Variants in ESYT2 observed in about 807,000 individuals in gnomAD.
The protein encoded by ESYT2 is extended synaptotagmin-2.
Under a neutral mutation model 107.2 loss-of-function variants are expected in ESYT2, and 54 were observed. The observed-to-expected ratio is 0.50, with a 90% CI of 0.40 to 0.63. ESYT2 has a LOEUF of 0.63. Among genes scored for constraint, ESYT2 ranks in the 30% least tolerant of loss-of-function variants. The probability of loss-of-function intolerance (pLI) is 0.00; values close to 1 mark genes in which losing one functional copy is unlikely to be tolerated. For missense variants in ESYT2, 1,020 were observed against 1,094.5 expected, an observed-to-expected ratio of 0.93 and a Z score of 0.96; for synonymous variants, 491 against 434.1, an observed-to-expected ratio of 1.13 and a Z score of -1.63.
intron 13 of ESYT2, among the ~76,000 whole-genome samples, chr7:158,758,999 A>G (rs28543982): frequency 0.018 from 2,738 of 152,270 alleles, 85 homozygotes; most frequent in African/African-American, 0.061. Flanking sequence ...TTCTGCGAGA[A>G]ACATCCCAGG....
intron 6 of ESYT2, among the ~76,000 whole-genome samples, chr7:158,780,664 G>A (rs1452834692): frequency 6.6e-6 from 1 of 152,230 alleles, no homozygotes; most frequent in Non-Finnish European, 1.5e-5. Context: ...TTGTTGAAAA[G>A]ACTGAGATAC....
chr7:158,784,300 C>T (rs944671820), intron 6 of ESYT2, among the ~76,000 whole-genome samples: 5 of 152,238 alleles, frequency 3.3e-5, no homozygotes, highest in African/African-American at 4.8e-5. Context: ...CTCTGGAATT[C>T]ACTGCAGCCT....
chr7:158,825,474 A>T (rs1840413845), intron 1 of ESYT2, among the ~76,000 whole-genome samples: 1 of 152,248 alleles, frequency 6.6e-6, no homozygotes, highest in African/African-American at 2.4e-5. Flanking sequence ...TGTTCATGGG[A>T]AAAGAAGTGA....
chr7:158,756,761 T>C (rs1296795979), intron 13 of ESYT2, among the ~76,000 whole-genome samples: 1 of 151,606 alleles, frequency 6.6e-6, no homozygotes, highest in East Asian at 1.9e-4. Context: ...ATACAAAAAT[T>C]AGCCAGGCGT....
chr7:158,806,110 G>GCCGGGGCACACCGCGTGGGAGGCGC (rs1839821704), intron 1 of ESYT2, among the ~76,000 whole-genome samples: 1 of 150,930 alleles, frequency 6.6e-6, no homozygotes, highest in Non-Finnish European at 1.5e-5. Flanking sequence ...CGTGGGAGGC[G>GCCGGGGCACACCGCGTGGGAGGCGC]CCGGGGCACA....
chr7:158,734,652 G>A (rs1364754401), intron 21 of ESYT2, among the ~76,000 whole-genome samples, 181 bp from the exon 22 acceptor site: 3 of 152,218 alleles, frequency 2.0e-5, no homozygotes, highest in African/African-American at 4.8e-5. Context: ...TTATCTGGGC[G>A]TGCTGACACG....
intron 11 of ESYT2, among the ~76,000 whole-genome samples, chr7:158,761,118 A>G (rs1837944687): frequency 1.3e-5 from 2 of 152,112 alleles, no homozygotes; most frequent in African/African-American, 2.4e-5. Context: ...CACTGGCCGC[A>G]CTGTGCCTTC....
chr7:158,738,991 C>A (rs772787760), intron 19 of ESYT2, 32 bp downstream of exon 19: 1 of 1,600,954 alleles, frequency 6.2e-7, no homozygotes, highest in Non-Finnish European at 8.6e-7. Context: ...CTCAGCAGCA[C>A]AGCAGCGGGC....
At chr7:158,786,098 C>T in intron 6 of ESYT2, among the ~76,000 whole-genome samples, 1 of 152,104 alleles carries the variant, frequency 6.6e-6, no homozygotes, top group East Asian at 1.9e-4. Flanking sequence ...AAATGAGTGA[C>T]TCTGAACTTC....
chr7:158,828,242 A>G (rs1326588454), intron 1 of ESYT2, among the ~76,000 whole-genome samples: 1 of 152,232 alleles, frequency 6.6e-6, no homozygotes, highest in African/African-American at 2.4e-5. Context: ...GGTAGAAGAA[A>G]AAGTTAACTT....
chr7:158,741,473 G>C lies in ESYT2; in HGVS notation c.2168+50C>G, dbSNP rs537117966. On this transcript the variant is annotated intron_variant, in intron 18 of 22. Coordinates refer to ENST00000275418, the MANE Select transcript of ESYT2 (RefSeq NM_001367773.1). ...AAACGACTCTCCCCCAGCGTGGGGT[G>C]GGGGGCGCTTGCTCTGCTGGTGAGA... The C allele has an allele frequency of 2.2e-5, 30 of 1,363,890 alleles. 1 individual carries two copies. The African/African-American group carries it at 4.2e-4, about 19-fold the overall frequency. 84.5% of individuals were successfully genotyped at this position (1,363,890 alleles called of 1,614,324 possible).
At chr7:158,795,015 C>G (rs1839418596) in intron 3 of ESYT2, among the ~76,000 whole-genome samples, 1 of 152,112 alleles carries the variant, frequency 6.6e-6, no homozygotes, top group Non-Finnish European at 1.5e-5. Flanking sequence ...GAAAATGGGG[C>G]AGGCATGATG....
chr7:158,747,579 G>C (rs1587382991), intron 16 of ESYT2, among the ~76,000 whole-genome samples: 1 of 152,106 alleles, frequency 6.6e-6, no homozygotes, highest in Non-Finnish European at 1.5e-5. Context: ...GCGAGATGTG[G>C]GGCCCGCTCG....
intron 6 of ESYT2, among the ~76,000 whole-genome samples, chr7:158,784,788 C>A (rs531085217): frequency 4.6e-5 from 7 of 152,324 alleles, no homozygotes; most frequent in African/African-American, 1.7e-4. Flanking sequence ...TAACAGAAGA[C>A]ACTGTTTCCA....
Position 158,794,034 on chromosome 7 carries a change from T to C in ESYT2, c.508-308A>G, listed in dbSNP as rs73523701. Reference sequence around the variant, plus strand: ...AGCAGTTAATAAGCACTGGGTATGATTGCTGTTGTCAGCACATGTAACAAT... The same window carrying C: ...AGCAGTTAATAAGCACTGGGTATGACTGCTGTTGTCAGCACATGTAACAAT... On this transcript the variant is annotated intron_variant, in intron 3 of 22. Transcript: ENST00000275418. Among the ~76,000 whole-genome samples, 1,465 of 152,336 alleles carry C rather than the reference T, an allele frequency of 9.6e-3. 18 individuals are homozygous for C. Among genetic ancestry groups the C allele is most frequent in the African/African-American group, 0.032 (1,312 of 41,576 alleles).
chr7:158,785,807 G>C lies in ESYT2; in HGVS notation c.747+2197C>G, dbSNP rs146106772. ...AACTTCGTCACCTCAGCAATATTTA[G>C]GGTTTTTTTCCTTCAACAAGTTCTA... On this transcript the variant is annotated intron_variant, in intron 6 of 22. Coordinates refer to ENST00000275418, the MANE Select transcript of ESYT2 (RefSeq NM_001367773.1). Among the ~76,000 whole-genome samples, 117 of 152,220 alleles carry C rather than the reference G, an allele frequency of 7.7e-4. No homozygotes were observed. The East Asian group carries it at 0.021, about 28-fold the overall frequency.
intron 20 of ESYT2, 133 bp downstream of exon 20, chr7:158,736,915 T>C: frequency 8.7e-7 from 1 of 1,143,566 alleles, no homozygotes; most frequent in East Asian, 2.6e-5. Context: ...GTATGTTTGC[T>C]AAAAGTTGGT....
rs776108628 is a variant in ESYT2 at position 158,829,095 on chromosome 7, G to T, written c.324C>A (p.Pro108=). Residue 108 remains proline, a synonymous_variant, in exon 1 of 23, where the codon CCC becomes CCA. Transcript: ENST00000275418. The part of the protein sequence containing the change: ...VRLGVRACDL[P]AWVHFPDTER... The stretch of plus-strand genomic sequence containing the variant: ...GGCAGGGGTCTGCACTCACCCAGGC[G>T]GGCAGGTCGCAGGCGCGCACCCCCA... 6.3e-7 allele frequency: 1 copy of T among 1,583,156 alleles called. No homozygotes were observed. Among genetic ancestry groups the T allele is most frequent in the Non-Finnish European group, 8.5e-7 (1 of 1,173,892 alleles).
chr7:158,774,589 A>G (rs1040173976), intron 6 of ESYT2, among the ~76,000 whole-genome samples: 3 of 152,218 alleles, frequency 2.0e-5, no homozygotes, highest in Admixed American at 2.0e-4. Context: ...ACACAACTTA[A>G]AAAGGAACAG....
Sources: gnomAD v4.1 joint callset for allele counts (sites outside exome capture counted in the v4.1 genomes callset) on GRCh38, gnomAD v4.1.1 for gene constraint, MANE v1.5 for transcripts, NCBI Gene and HGNC (gene_info 2026-07-23, HGNC 2026-07-21) for gene names.